ST8SIA6: variants seen among roughly 807,000 people sequenced by gnomAD.
ST8SIA6 encodes the protein alpha-2,8-sialyltransferase 8F.
In ST8SIA6, 39 loss-of-function variants were observed where a neutral mutation model predicts 33.6. The observed-to-expected ratio is 1.16, with a 90% CI of 0.90 to 1.52. ST8SIA6 has a LOEUF of 1.52. Among genes scored for constraint, ST8SIA6 ranks in the 40% most tolerant of loss-of-function variants. The pLI, the probability that ST8SIA6 is intolerant of heterozygous loss-of-function variation, is 0.00. For synonymous variants in ST8SIA6, 172 were observed against 167.2 expected (o/e 1.03, Z -0.22); for missense variants, 441 against 443.8 (o/e 0.99, Z 0.06).
intron 2 of ST8SIA6, among the ~76,000 whole-genome samples, chr10:17,421,143 T>C (rs1352024739): frequency 6.6e-6 from 1 of 152,166 alleles, no homozygotes; most frequent in Non-Finnish European, 1.5e-5. Context: ...TCACAGCTCC[T>C]GAGAGGCAGC....
intron 2 of ST8SIA6, among the ~76,000 whole-genome samples, chr10:17,432,592 CTT>C (rs1852135474): frequency 1.3e-5 from 2 of 152,170 alleles, no homozygotes; most frequent in South Asian, 2.1e-4. Context: ...GATAAACACA[CTT>C]TTCAGCTTTT....
chr10:17,365,601 C>T (rs1849534814), intron 3 of ST8SIA6, among the ~76,000 whole-genome samples: 1 of 152,200 alleles, frequency 6.6e-6, no homozygotes, highest in Non-Finnish European at 1.5e-5. Flanking sequence ...TGCCACCTGC[C>T]TGCTGACTTA....
rs1847866654 is a variant in ST8SIA6, at chr10:17,319,240, G to C, written c.*1638C>G. On this transcript the variant is annotated 3_prime_UTR_variant, in exon 8 of 8. Coordinates refer to ENST00000377602, the MANE Select transcript of ST8SIA6 (RefSeq NM_001004470.3). ...ACAGTTCTTGTCGCTCTGTAATGGT[G>C]AGTTACTGCAAGTTTTTCACCAAGA... Among the ~76,000 whole-genome samples, 1 of 152,138 alleles carries C rather than the reference G, an allele frequency of 6.6e-6. No homozygotes were observed. The highest frequency in any genetic ancestry group is 2.4e-5 in the African/African-American group (1 of 41,432).
At chr10:17,338,818 A>G (rs1314178627) in intron 4 of ST8SIA6, among the ~76,000 whole-genome samples, 1 of 152,258 alleles carries the variant, frequency 6.6e-6, no homozygotes, top group East Asian at 1.9e-4. Flanking sequence ...TCCTCCATGC[A>G]ACCCAGGTTC....
At chr10:17,348,119 A>G (rs1487501590) in intron 4 of ST8SIA6, among the ~76,000 whole-genome samples, 2 of 151,860 alleles carry the variant, frequency 1.3e-5, no homozygotes, top group Admixed American at 6.6e-5. Context: ...TTATTGTTCA[A>G]TGTGTGAAGA....
intron 7 of ST8SIA6, 75 bp downstream of exon 7, chr10:17,322,990 T>C (rs1336622789): frequency 1.5e-6 from 2 of 1,341,806 alleles, no homozygotes; most frequent in African/African-American, 2.9e-5. Flanking sequence ...GCAACAAGAT[T>C]AGTGCTTAAG....
intron 3 of ST8SIA6, among the ~76,000 whole-genome samples, chr10:17,373,801 A>G (rs1849806878): frequency 1.3e-5 from 2 of 152,194 alleles, no homozygotes; most frequent in Admixed American, 6.5e-5. Flanking sequence ...CTTCCCAAAA[A>G]GGCTTCATTC....
intron 4 of ST8SIA6, among the ~76,000 whole-genome samples, chr10:17,347,429 C>T (rs1383335143): frequency 2.0e-5 from 3 of 151,630 alleles, no homozygotes; most frequent in South Asian, 4.2e-4. Flanking sequence ...GTAGCGTAAA[C>T]GAGAGGGGAG....
intron 3 of ST8SIA6, among the ~76,000 whole-genome samples, chr10:17,361,268 A>C (rs1175304291): frequency 6.6e-6 from 1 of 152,006 alleles, no homozygotes; most frequent in African/African-American, 2.4e-5. Flanking sequence ...CTCTTGCCAC[A>C]CTGATTAGAA....
At chr10:17,447,910 G>T (rs1055797199) in intron 2 of ST8SIA6, among the ~76,000 whole-genome samples, 1 of 151,926 alleles carries the variant, frequency 6.6e-6, no homozygotes, top group Non-Finnish European at 1.5e-5. Context: ...AGTGATTCTC[G>T]TGCCTCAACC....
intron 2 of ST8SIA6, among the ~76,000 whole-genome samples, chr10:17,425,288 C>A (rs1271489418): frequency 6.6e-6 from 1 of 152,000 alleles, no homozygotes; most frequent in Non-Finnish European, 1.5e-5. Context: ...GAAATATAAG[C>A]CAGGCATGGG....
At chr10:17,367,807 A>G (rs781312459) in intron 3 of ST8SIA6, among the ~76,000 whole-genome samples, 1 of 152,168 alleles carries the variant, frequency 6.6e-6, no homozygotes, top group Non-Finnish European at 1.5e-5. Context: ...CTATTTCACC[A>G]TTTCTTGAAG....
At chr10:17,382,429 C>G (rs935009049) in intron 3 of ST8SIA6, among the ~76,000 whole-genome samples, 1 of 152,116 alleles carries the variant, frequency 6.6e-6, no homozygotes, top group Non-Finnish European at 1.5e-5. Flanking sequence ...CCATTTCTGG[C>G]TAATTTTTGT....
At chr10:17,373,058 G>C (rs12412250) in intron 3 of ST8SIA6, among the ~76,000 whole-genome samples, 18,779 of 151,750 alleles carry the variant, frequency 0.12, 1,274 homozygotes, top group South Asian at 0.19. Context: ...AAATTCCCAC[G>C]GCTGCAAGAA....
intron 3 of ST8SIA6, among the ~76,000 whole-genome samples, chr10:17,361,974 A>G (rs2131620682): frequency 2.0e-5 from 3 of 152,194 alleles, no homozygotes; most frequent in Middle Eastern, 6.8e-3. Flanking sequence ...AATGACAAAA[A>G]CCCTCACTGT....
At chr10:17,331,584 A>C (rs1848301218) in intron 4 of ST8SIA6, 32 bp from the exon 5 acceptor site, 4 of 1,582,268 alleles carry the variant, frequency 2.5e-6, no homozygotes, top group Middle Eastern at 1.7e-4. Flanking sequence ...AGGAAGCCAA[A>C]GTATAAGATT....
At chr10:17,418,303 C>T (rs1851665753) in intron 2 of ST8SIA6, among the ~76,000 whole-genome samples, 1 of 152,134 alleles carries the variant, frequency 6.6e-6, no homozygotes, top group Admixed American at 6.5e-5. Context: ...TCAAGTGATT[C>T]TCCCAAAGTG....
intron 2 of ST8SIA6, among the ~76,000 whole-genome samples, chr10:17,395,105 G>C (rs913675876): frequency 6.6e-6 from 1 of 152,156 alleles, no homozygotes; most frequent in Non-Finnish European, 1.5e-5. Flanking sequence ...CTGTTCTCAT[G>C]GTAGTGAATA....
At chr10:17,432,311 A>G (rs768645174) in intron 2 of ST8SIA6, among the ~76,000 whole-genome samples, 3 of 152,166 alleles carry the variant, frequency 2.0e-5, no homozygotes, top group Non-Finnish European at 4.4e-5. Context: ...GTTTGTATTT[A>G]AAAGGACCAC....
Sources: gnomAD v4.1 joint callset for allele counts (sites outside exome capture counted in the v4.1 genomes callset) on GRCh38, gnomAD v4.1.1 for gene constraint, MANE v1.5 for transcripts, NCBI Gene and HGNC (gene_info 2026-07-23, HGNC 2026-07-21) for gene names.